LMO7: variants seen among roughly 807,000 people sequenced by gnomAD.
The protein encoded by LMO7 is LIM domain only protein 7.
LMO7 carries 120 observed loss-of-function variants against 206.5 expected under a neutral mutation model. The observed-to-expected ratio is 0.58, with a 90% CI of 0.50 to 0.68. LMO7 has a LOEUF of 0.68. Among genes scored for constraint, LMO7 ranks in the 30% least tolerant of loss-of-function variants. The pLI is 0.00. For missense variants in LMO7, 1,959 were observed against 1,957.9 expected, an observed-to-expected ratio of 1.00 and a Z score of -0.01; for synonymous variants, 706 against 681.5, an observed-to-expected ratio of 1.04 and a Z score of -0.56.
chr13:75,788,633 T>A (rs985560642), intron 4 of LMO7, among the ~76,000 whole-genome samples: 12 of 152,140 alleles, frequency 7.9e-5, no homozygotes, highest in Admixed American at 6.5e-5. Flanking sequence ...AAATCATGAT[T>A]CACGGCCTCA....
intron 4 of LMO7, among the ~76,000 whole-genome samples, chr13:75,782,880 G>T (rs1391345646): frequency 2.0e-5 from 3 of 152,202 alleles, no homozygotes; most frequent in Non-Finnish European, 4.4e-5. Flanking sequence ...AATCCAGGAT[G>T]TCTCCCCATC....
intron 6 of LMO7, among the ~76,000 whole-genome samples, chr13:75,800,477 C>A (rs1007594563): frequency 6.6e-6 from 1 of 151,806 alleles, no homozygotes; most frequent in Non-Finnish European, 1.5e-5. Flanking sequence ...ATTGAATACC[C>A]CCTTATTGTA....
chr13:75,634,975 CA>C, upstream of LMO7, among the ~76,000 whole-genome samples: 1 of 151,854 alleles, frequency 6.6e-6, no homozygotes, highest in East Asian at 1.9e-4. Context: ...TACTGCACTC[CA>C]GCCTCGGCAA....
chr13:75,628,202 T>TG (rs2138756974), intron 2 of LMO7: 1 of 152,358 alleles, frequency 6.6e-6, no homozygotes, highest in South Asian at 2.1e-4. Context: ...CCCTTGCCTT[T>TG]GTCCACTGGG....
chr13:75,832,285 G>A (rs537065707), intron 15 of LMO7, among the ~76,000 whole-genome samples: 7 of 152,182 alleles, frequency 4.6e-5, no homozygotes, highest in Non-Finnish European at 8.8e-5. Context: ...TTGTTGTGTA[G>A]TACAGTGATA....
At chr13:75,749,830 A>G (rs945436290) in intron 3 of LMO7, among the ~76,000 whole-genome samples, 1 of 145,176 alleles carries the variant, frequency 6.9e-6, no homozygotes, top group Admixed American at 6.8e-5. Flanking sequence ...CCTCACCCCC[A>G]CCTTTTTTTT....
At chr13:75,851,507 C>T (rs574168473) in intron 27 of LMO7, among the ~76,000 whole-genome samples, 198 of 152,232 alleles carry the variant, frequency 1.3e-3, no homozygotes, top group Non-Finnish European at 2.3e-3. Context: ...CCTCAGATGC[C>T]TTTCTCTGCA....
rs138127448 is a variant in LMO7, at chr13:75,826,903, C to T, written c.2949+3030C>T. 4.6e-5 allele frequency among the ~76,000 whole-genome samples: 7 copies of T among 152,224 alleles called. No individual in the cohort carries two copies. The East Asian group carries it at 5.8e-4, about 13-fold the overall frequency. ...ACCACTGCTTGCTTTTTCTTGGACA[C>T]ATCACGTACTTTTTGGAGCACATCA... On this transcript the variant is annotated intron_variant, in intron 15 of 30. Transcript: ENST00000377534.
chr13:75,732,586 C>T (rs1284291178), intron 3 of LMO7, among the ~76,000 whole-genome samples: 3 of 152,288 alleles, frequency 2.0e-5, no homozygotes, highest in Admixed American at 6.5e-5. Context: ...TCCTGTAGCT[C>T]GGAGTAGTTT....
intron 5 of LMO7, among the ~76,000 whole-genome samples, chr13:75,796,307 C>T (rs2053999660): frequency 2.6e-5 from 4 of 152,106 alleles, no homozygotes; most frequent in South Asian, 2.1e-4. Context: ...TCTGTAAGTT[C>T]GATGAAAAAA....
intron 2 of LMO7, among the ~76,000 whole-genome samples, chr13:75,714,206 G>A (rs1233629918): frequency 6.6e-6 from 1 of 152,064 alleles, no homozygotes; most frequent in Admixed American, 6.6e-5. Context: ...ATTATTTTTG[G>A]ACCTTTGAAT....
intron 1 of LMO7, among the ~76,000 whole-genome samples, chr13:75,641,624 C>A (rs1185073109): frequency 6.6e-6 from 1 of 151,972 alleles, no homozygotes; most frequent in East Asian, 1.9e-4. Flanking sequence ...TGTCTTAATG[C>A]CTATTTGTTT....
chr13:75,785,175 A>T (rs928865308), intron 4 of LMO7, among the ~76,000 whole-genome samples: 2 of 152,150 alleles, frequency 1.3e-5, no homozygotes, highest in Non-Finnish European at 2.9e-5. Context: ...AATGAGTTAT[A>T]GTTCAGGATA....
intron 3 of LMO7, among the ~76,000 whole-genome samples, chr13:75,738,932 T>G (rs1294566686): frequency 6.6e-6 from 1 of 152,248 alleles, no homozygotes; most frequent in African/African-American, 2.4e-5. Flanking sequence ...TTCTCAGCCT[T>G]GGCACTGTTG....
chr13:75,777,184 A>G (rs535945200), intron 4 of LMO7, among the ~76,000 whole-genome samples: 34 of 152,254 alleles, frequency 2.2e-4, no homozygotes, highest in African/African-American at 7.7e-4. Context: ...TTCCTCCCCC[A>G]GTGTTCACTC....
chr13:75,736,294 C>G (rs1049304513), intron 3 of LMO7, among the ~76,000 whole-genome samples: 2 of 152,222 alleles, frequency 1.3e-5, no homozygotes, highest in Non-Finnish European at 2.9e-5. Flanking sequence ...AGCTGCAGAA[C>G]TGGGCTAAGC....
chr13:75,632,847 A>G (rs1261753393), upstream of LMO7, among the ~76,000 whole-genome samples: 2 of 116,926 alleles, frequency 1.7e-5, no homozygotes, highest in Non-Finnish European at 3.8e-5. Flanking sequence ...TGAGGTATTC[A>G]CTAATTACTT....
At chr13:75,759,944 G>A (rs540012999) in intron 3 of LMO7, among the ~76,000 whole-genome samples, 1 of 152,294 alleles carries the variant, frequency 6.6e-6, no homozygotes, top group Non-Finnish European at 1.5e-5. Context: ...GTGGACAGAT[G>A]TGTGTTGGCA....
At chr13:75,839,975 T>C in intron 20 of LMO7, 110 bp from the exon 21 acceptor site, 1 of 953,428 alleles carries the variant, frequency 1.0e-6, no homozygotes, top group Admixed American at 1.9e-5. Flanking sequence ...TGTCACTTAG[T>C]ATACTGGCAT....
Sources: allele counts gnomAD v4.1 joint callset (sites outside exome capture counted in the v4.1 genomes callset), GRCh38; gene constraint gnomAD v4.1.1; transcripts MANE v1.5; gene names NCBI Gene and HGNC (gene_info 2026-07-23, HGNC 2026-07-21).